ZMYND8: variants seen among roughly 807,000 people sequenced by gnomAD.
ZMYND8 encodes MYND-type zinc finger-containing chromatin reader ZMYND8.
Under a neutral mutation model 140.8 loss-of-function variants are expected in ZMYND8, and 37 were observed. The ratio of observed to expected loss-of-function variants is 0.26; its 90% CI spans 0.20 to 0.35. The LOEUF (loss-of-function observed/expected upper bound fraction) is 0.35, where lower values mean the gene tolerates loss of function less well. Ranked by LOEUF, ZMYND8 falls within the 10% of genes least tolerant of loss-of-function variation. The pLI is 1.00. For synonymous variants in ZMYND8, 592 were observed against 597.1 expected (o/e 0.99, Z 0.12); for missense variants, 1,068 against 1,570.0 (o/e 0.68, Z 5.40).
chr20:47,326,292 G>A (rs1485147161), intron 2 of ZMYND8, among the ~76,000 whole-genome samples: 1 of 151,834 alleles, frequency 6.6e-6, no homozygotes, highest in African/African-American at 2.4e-5. Flanking sequence ...AGTAGAGATG[G>A]GGTTTCACCA....
At chr20:47,228,188 T>G (rs1442374713) in intron 17 of ZMYND8, among the ~76,000 whole-genome samples, 1 of 152,160 alleles carries the variant, frequency 6.6e-6, no homozygotes, top group South Asian at 2.1e-4. Context: ...TACTCTCCCC[T>G]GTCATGAGAA....
intron 21 of ZMYND8, among the ~76,000 whole-genome samples, chr20:47,215,928 T>C (rs528459829): frequency 6.6e-6 from 1 of 152,176 alleles, no homozygotes; most frequent in South Asian, 2.1e-4. Context: ...AGGAAGGCAC[T>C]TGGAGATAGA....
intron 2 of ZMYND8, among the ~76,000 whole-genome samples, chr20:47,343,565 G>A (rs1329097007): frequency 6.6e-6 from 1 of 152,148 alleles, no homozygotes; most frequent in Non-Finnish European, 1.5e-5. Context: ...AGGCTGGAGT[G>A]CAGTGGTGGA....
In ZMYND8 at chr20:47,310,154, G is replaced by T. The variant is rs1285467717; in HGVS notation, c.136C>A (p.Pro46Thr). ...GGCGAGTGGCCATTGGAAGAATGTGGAGGGCTGGGGAACTTTCTTTTCTGG... is the reference window on the plus strand; with the variant it reads ...GGCGAGTGGCCATTGGAAGAATGTGTAGGGCTGGGGAACTTTCTTTTCTGG... Reference protein sequence around the residue: ...TAQKRKFPSPPHSSNGHSPQD... With the variant: ...TAQKRKFPSPTHSSNGHSPQD... The change falls in exon 3 of 23, where the codon CCA becomes ACA. Residue 46 changes from proline (P) to threonine (T), a missense_variant. Transcript: ENST00000471951. 6.2e-7 allele frequency: 1 copy of T among 1,613,122 alleles called. No homozygotes were observed. The highest frequency in any genetic ancestry group is 1.7e-5 in the Admixed American group (1 of 59,668).
intron 2 of ZMYND8, among the ~76,000 whole-genome samples, chr20:47,313,648 T>G (rs1208667519): frequency 7.2e-6 from 1 of 138,030 alleles, no homozygotes; most frequent in East Asian, 2.2e-4. Context: ...TAATAATAAT[T>G]AGGCTGGGGA....
intron 14 of ZMYND8, among the ~76,000 whole-genome samples, chr20:47,244,316 C>T (rs1190517773): frequency 6.6e-6 from 1 of 152,208 alleles, no homozygotes; most frequent in Admixed American, 6.5e-5. Flanking sequence ...ATGGCTACAA[C>T]CTGTAATTTG....
At chr20:47,260,639 G>A (rs1462876463) in intron 12 of ZMYND8, among the ~76,000 whole-genome samples, 1 of 152,136 alleles carries the variant, frequency 6.6e-6, no homozygotes, top group East Asian at 1.9e-4. Flanking sequence ...CTCCACCTAA[G>A]TGAACTGTGA....
chr20:47,250,695 C>T (rs1199176936), intron 12 of ZMYND8, among the ~76,000 whole-genome samples: 1 of 152,230 alleles, frequency 6.6e-6, no homozygotes, highest in African/African-American at 2.4e-5. Flanking sequence ...GACCCAACCA[C>T]TTTCCTGTTC....
intron 16 of ZMYND8, among the ~76,000 whole-genome samples, chr20:47,230,296 G>GTT (rs532411881): frequency 1.3e-4 from 18 of 142,738 alleles, no homozygotes; most frequent in African/African-American, 4.3e-4. Flanking sequence ...TTTTTTTGTT[G>GTT]TTTTTTTTTT....
rs569373963 is a variant in ZMYND8, at chr20:47,280,814, G to A, written c.998+1288C>T. 9.7e-4 allele frequency among the ~76,000 whole-genome samples: 148 copies of A among 152,164 alleles called. 3 individuals carry two copies. In the South Asian group the frequency reaches 0.03, roughly 31 times the overall value. On this transcript the variant is annotated intron_variant, in intron 10 of 22. Transcript: ENST00000471951. The stretch of plus-strand genomic sequence containing the variant: ...TGCCTACCCCTCTGACTCCAGCTGT[G>A]AGCATCCTCTCCTCCCCGACCCTGT...
At chr20:47,219,054 A>ACTTTTTTTTTT (rs2036539916) in intron 21 of ZMYND8, among the ~76,000 whole-genome samples, 1 of 88,962 alleles carries the variant, frequency 1.1e-5, no homozygotes, top group Non-Finnish European at 2.5e-5. Flanking sequence ...CCGTTTCTAC[A>ACTTTTTTTTTT]ATTTTTTTTT....
At chr20:47,348,225 C>A in intron 1 of ZMYND8, 1 of 395,602 alleles carries the variant, frequency 2.5e-6, no homozygotes. Flanking sequence ...CCCTGTGGGC[C>A]AATGAGAACC....
chr20:47,336,473 C>T (rs576871354), intron 2 of ZMYND8, among the ~76,000 whole-genome samples: 9 of 152,308 alleles, frequency 5.9e-5, no homozygotes, highest in African/African-American at 1.9e-4. Context: ...CCACAAAACG[C>T]ACACATGGCA....
intron 5 of ZMYND8, among the ~76,000 whole-genome samples, chr20:47,293,507 T>C (rs2077436035): frequency 6.6e-6 from 1 of 152,118 alleles, no homozygotes; most frequent in African/African-American, 2.4e-5. Flanking sequence ...TCAAATCTCA[T>C]CTCAAAACTG....
At chr20:47,261,573 TCATCATCATCATCATCATC>T (rs2075158029) in intron 12 of ZMYND8, among the ~76,000 whole-genome samples, 1 of 151,384 alleles carries the variant, frequency 6.6e-6, no homozygotes, top group Non-Finnish European at 1.5e-5. Flanking sequence ...ATCATCATCA[TCATCATCATCATCATCATC>T]ATCCAGGGAA....
rs766850313 is a variant in ZMYND8, at chr20:47,310,141, T to C, written c.149A>G (p.Asn50Ser). 4 of 1,613,736 alleles carry C rather than the reference T, an allele frequency of 2.5e-6. No homozygotes were observed. The highest frequency in any genetic ancestry group is 1.1e-5 in the South Asian group (1 of 91,010). ...RKFPSPPHSSNGHSPQDTSTS... is the reference protein window; with the variant it reads ...RKFPSPPHSSSGHSPQDTSTS... ...TGATGTGTCCTGCGGCGAGTGGCCATTGGAAGAATGTGGAGGGCTGGGGAA... is the reference window on the plus strand; with the variant it reads ...TGATGTGTCCTGCGGCGAGTGGCCACTGGAAGAATGTGGAGGGCTGGGGAA... Residue 50 changes from asparagine to serine, a missense_variant, in exon 3 of 23, where the codon AAT becomes AGT. Physicochemically the swap from Asn to Ser is conservative, Grantham distance 46. This residue lies in a region of ZMYND8 where 77 missense variants were observed against 85.1 expected (regional missense o/e 0.91). Coordinates refer to ENST00000471951, the MANE Select transcript of ZMYND8 (RefSeq NM_001281775.3).
intron 2 of ZMYND8, among the ~76,000 whole-genome samples, chr20:47,338,979 T>C (rs1456832295): frequency 1.1e-4 from 17 of 151,120 alleles, no homozygotes; most frequent in Admixed American, 6.6e-4. Context: ...TTCTTTTTTT[T>C]TTTTTTTTTG....
chr20:47,312,611 C>A lies in ZMYND8; in HGVS notation c.86-2407G>T, dbSNP rs575312885. Reference sequence around the variant, plus strand: ...GGTCAGCCTAGCCAACATGGTGAAACCCCGTACTTTTGTACTAAAAACACA... The same window carrying A: ...GGTCAGCCTAGCCAACATGGTGAAAACCCGTACTTTTGTACTAAAAACACA... On this transcript the variant is annotated intron_variant, in intron 2 of 22. Coordinates refer to ENST00000471951, the MANE Select transcript of ZMYND8 (RefSeq NM_001281775.3). 3.2e-3 allele frequency among the ~76,000 whole-genome samples: 486 copies of A among 152,190 alleles called. 3 individuals are homozygous for A. The highest frequency in any genetic ancestry group is 4.2e-3 in the Non-Finnish European group (288 of 68,006).
At chr20:47,259,874 C>A (rs35396650) in intron 12 of ZMYND8, among the ~76,000 whole-genome samples, 33,653 of 151,876 alleles carry the variant, frequency 0.22, 4,550 homozygotes, top group African/African-American at 0.39. Context: ...TCAAGAACTA[C>A]CACTCTAACC....
Sources: allele counts gnomAD v4.1 joint callset (sites outside exome capture counted in the v4.1 genomes callset), GRCh38; gene constraint gnomAD v4.1.1; regional missense constraint gnomAD v4.1.1; transcripts MANE v1.5; gene names NCBI Gene and HGNC (gene_info 2026-07-23, HGNC 2026-07-21).